Variants in SDK2 observed in about 807,000 individuals in gnomAD.
SDK2 encodes the protein protein sidekick-2.
In SDK2, 105 loss-of-function variants were observed where a neutral mutation model predicts 253.9. That is an observed-to-expected ratio of 0.41 (90% CI 0.35 to 0.49). The LOEUF is 0.49. SDK2 is among the 20% of genes least tolerant of loss of function. SDK2 has a pLI of 0.06. For missense variants in SDK2, 2,608 were observed against 3,003.0 expected, an observed-to-expected ratio of 0.87 and a Z score of 3.07; for synonymous variants, 1,249 against 1,234.9, an observed-to-expected ratio of 1.01 and a Z score of -0.24.
chr17:73,339,035 T>G, intron 44 of SDK2, 95 bp from the exon 45 acceptor site: 1 of 1,083,648 alleles, frequency 9.2e-7, no homozygotes, highest in Non-Finnish European at 1.4e-6. Flanking sequence ...GGTTCAAAAC[T>G]CTGCTCTGCC....
chr17:73,524,352 C>T (rs541021334), intron 1 of SDK2, among the ~76,000 whole-genome samples: 11 of 152,336 alleles, frequency 7.2e-5, no homozygotes, highest in Admixed American at 2.6e-4. Flanking sequence ...GGCCCCCGCC[C>T]GCCCCGGCCA....
In SDK2 at chr17:73,361,665, T is replaced by A. The variant is rs750464044; in HGVS notation, c.5467+19A>T. The A allele has an allele frequency of 1.2e-5, 20 of 1,604,280 alleles. No homozygotes were observed. In the Admixed American group the frequency reaches 2.2e-4, roughly 17 times the overall value. On this transcript the variant is annotated intron_variant, in intron 39 of 44. Coordinates refer to ENST00000392650, the MANE Select transcript of SDK2 (RefSeq NM_001144952.2). This position sits in a 1 kb window ranked among gnomAD's most constrained non-coding sequence, Gnocchi z 4.1. The stretch of plus-strand genomic sequence containing the variant: ...TGAACCGCCGTGTGGAAGACATGCC[T>A]GGTCCGTTGCTCTCCTACCTTCTCC...
At chr17:73,344,148 G>A (rs558624271) in intron 44 of SDK2, among the ~76,000 whole-genome samples, 190 of 152,266 alleles carry the variant, frequency 1.2e-3, no homozygotes, top group African/African-American at 3.3e-3. Flanking sequence ...TGTGCCCCTG[G>A]AGGCACAATT....
At chr17:73,580,525 C>T (rs1434696647) in intron 1 of SDK2, among the ~76,000 whole-genome samples, 6 of 152,262 alleles carry the variant, frequency 3.9e-5, no homozygotes, top group Admixed American at 3.9e-4. Context: ...GCTTCATGGG[C>T]ATGAGATCCA....
intron 1 of SDK2, among the ~76,000 whole-genome samples, chr17:73,599,858 C>G (rs2045812441): frequency 6.6e-6 from 1 of 152,220 alleles, no homozygotes; most frequent in Non-Finnish European, 1.5e-5. Flanking sequence ...GGCTCCTCAG[C>G]TGTGATGGGG....
intron 12 of SDK2, among the ~76,000 whole-genome samples, chr17:73,427,642 C>CAAAAA (rs9302965): frequency 0.18 from 18,799 of 104,976 alleles, 2,163 homozygotes; most frequent in Non-Finnish European, 0.24. Context: ...CATCCACATG[C>CAAAAA]AAAAAAAAAA....
Position 73,355,174 on chromosome 17 carries a change from A to ATATATATAT in SDK2, c.5594-2538_5594-2537insATATATATA. 3.0e-4 allele frequency among the ~76,000 whole-genome samples: 14 copies of ATATATATAT among 47,222 alleles called. 1 individual carries two copies. The highest frequency in any genetic ancestry group is 4.4e-4 in the Non-Finnish European group (13 of 29,776). 31.0% of individuals were successfully genotyped at this position (47,222 alleles called of 152,430 possible). ...CCTACACCTCCATATATATATATAT[A>ATATATATAT]TTTTTTTTTTTTTTTTTTTTTAGAC... On this transcript the variant is annotated intron_variant, in intron 40 of 44. Coordinates refer to ENST00000392650, the MANE Select transcript of SDK2 (RefSeq NM_001144952.2).
At chr17:73,587,059 CT>C (rs1456211754) in intron 1 of SDK2, among the ~76,000 whole-genome samples, 8 of 152,224 alleles carry the variant, frequency 5.3e-5, no homozygotes, top group Non-Finnish European at 1.2e-4. Flanking sequence ...GGTGCCTGGC[CT>C]GTGGCTGCTG....
chr17:73,561,516 G>A (rs73996386), intron 1 of SDK2, among the ~76,000 whole-genome samples: 21,737 of 152,226 alleles, frequency 0.14, 1,777 homozygotes, highest in African/African-American at 0.21. Flanking sequence ...GCCATACTGT[G>A]TGGTTGTTGT....
At chr17:73,348,793 G>C in intron 43 of SDK2, 68 bp from the exon 44 acceptor site, 1 of 1,344,814 alleles carries the variant, frequency 7.4e-7, no homozygotes, top group Non-Finnish European at 1.0e-6. Context: ...GGCCTAGGGA[G>C]ACCACAGTGG....
At position 73,527,901 on chromosome 17, in the gene SDK2, C is replaced by T. The variant is rs1435708289; in HGVS notation, c.65-20304G>A. Among the ~76,000 whole-genome samples the T allele has an allele frequency of 2.0e-5, 3 of 152,072 alleles. No individual in the cohort carries two copies. In the East Asian group the frequency reaches 5.8e-4, roughly 29 times the overall value. On this transcript the variant is annotated intron_variant, in intron 1 of 44. Coordinates refer to ENST00000392650, the MANE Select transcript of SDK2 (RefSeq NM_001144952.2). ...TGGCTTTTTCGCTAGGATTCTGGTG[C>T]TGACGATGGGGGTGGTGAGAAGAAT... is the stretch of plus-strand genomic sequence containing the variant.
At chr17:73,456,651 G>C (rs1293242653) in intron 3 of SDK2, among the ~76,000 whole-genome samples, 1 of 152,228 alleles carries the variant, frequency 6.6e-6, no homozygotes. Flanking sequence ...GAGTTTGTGT[G>C]TATGTGTGAA....
At chr17:73,520,035 A>G (rs1294173191) in intron 1 of SDK2, 1 of 152,182 alleles carries the variant, frequency 6.6e-6, no homozygotes, top group Admixed American at 6.5e-5. Context: ...TAATAACACC[A>G]CGCGGCTCTA....
chr17:73,461,299 G>A (rs561932232), intron 3 of SDK2, among the ~76,000 whole-genome samples: 2 of 152,360 alleles, frequency 1.3e-5, no homozygotes, highest in South Asian at 4.1e-4. Flanking sequence ...ACTGAAGGAA[G>A]ACCTAATGCC....
At chr17:73,387,168 C>G (rs778127913) in intron 30 of SDK2, among the ~76,000 whole-genome samples, 11 of 152,224 alleles carry the variant, frequency 7.2e-5, no homozygotes, top group African/African-American at 1.2e-4. Context: ...CCATGTTGGC[C>G]AGACTGGTTT....
chr17:73,623,959 C>A (rs571955133), intron 1 of SDK2, among the ~76,000 whole-genome samples: 193 of 152,310 alleles, frequency 1.3e-3, no homozygotes, highest in Non-Finnish European at 2.0e-3. Context: ...GGCAGACAGA[C>A]CATTAACAAA....
intron 41 of SDK2, 96 bp from the exon 42 acceptor site, chr17:73,350,886 T>C (rs563613228): frequency 6.6e-5 from 89 of 1,341,836 alleles, no homozygotes; most frequent in African/African-American, 4.1e-4. Context: ...CTACAATCTA[T>C]GGGAAGGCAG....
chr17:73,342,040 C>T (rs8074166), intron 44 of SDK2, among the ~76,000 whole-genome samples: 1,708 of 152,178 alleles, frequency 0.011, 38 homozygotes, highest in African/African-American at 0.039. Flanking sequence ...TCCTACACTC[C>T]TGCACTCCTG....
intron 37 of SDK2, 112 bp from the exon 38 acceptor site, chr17:73,365,507 G>A: frequency 8.8e-7 from 1 of 1,138,856 alleles, no homozygotes; most frequent in Non-Finnish European, 1.2e-6. Flanking sequence ...GGAGGAACAA[G>A]AGCGTGGGGC....
Sources: gnomAD v4.1 joint callset for allele counts (sites outside exome capture counted in the v4.1 genomes callset) on GRCh38, gnomAD v4.1.1 for gene constraint, Gnocchi (gnomAD v3.1) non-coding constraint, MANE v1.5 for transcripts, NCBI Gene and HGNC (gene_info 2026-07-23, HGNC 2026-07-21) for gene names.